Variants in ZNF608 observed in about 807,000 individuals in gnomAD.
The protein encoded by ZNF608 is zinc finger protein 608.
ZNF608 carries 12 observed loss-of-function variants against 109.0 expected under a neutral mutation model. The ratio of observed to expected loss-of-function variants is 0.11; its 90% CI spans 0.07 to 0.18. The LOEUF is 0.18. Ranked by LOEUF, ZNF608 falls within the 10% of genes least tolerant of loss-of-function variation. The probability of loss-of-function intolerance (pLI) is 1.00; values close to 1 mark genes in which losing one functional copy is unlikely to be tolerated. For missense variants in ZNF608, 1,707 were observed against 1,879.3 expected, an observed-to-expected ratio of 0.91 and a Z score of 1.70; for synonymous variants, 732 against 717.4, an observed-to-expected ratio of 1.02 and a Z score of -0.33.
chr5:124,639,117 T>C lies in ZNF608; in HGVS notation c.4532+16A>G. On this transcript the variant is annotated intron_variant, in intron 9 of 9. Transcript: ENST00000513986. ...ATTTCTATCTACAACTAATTAAAAA[T>C]GTAGAGGATATTTACCTTCTTTGTC... 8.1e-6 allele frequency: 13 copies of C among 1,612,120 alleles called. No homozygotes were observed. Among genetic ancestry groups the C allele is most frequent in the Non-Finnish European group, 1.0e-5 (12 of 1,178,344 alleles).
intron 2 of ZNF608, among the ~76,000 whole-genome samples, chr5:124,711,339 C>T (rs979682704): frequency 3.3e-5 from 5 of 152,214 alleles, no homozygotes; most frequent in African/African-American, 9.6e-5. Context: ...ATTTTATAGC[C>T]TTCTATGCTG....
intron 3 of ZNF608, among the ~76,000 whole-genome samples, chr5:124,657,844 G>C (rs1248567281): frequency 6.6e-6 from 1 of 152,000 alleles, no homozygotes; most frequent in African/African-American, 2.4e-5. Context: ...AAGTAACAAA[G>C]AGCATCATAA....
Position 124,647,578 on chromosome 5 carries a change from T to A in ZNF608, c.2806A>T (p.Ser936Cys). The change falls in exon 5 of 10, where the codon AGC (serine) becomes TGC (cysteine). Residue 936 changes from serine to cysteine, a missense_variant. Around this residue, in one of 7 missense-constraint regions of ZNF608, gnomAD observed 1,073 missense variants for 1,133.5 expected, o/e 0.95. Transcript: ENST00000513986. ...TCAGATATGTCTGAATAGGCCGGGCTGCTTGTCTTTGCAGCTGAACTCTCT... is the reference window on the plus strand; with the variant it reads ...TCAGATATGTCTGAATAGGCCGGGCAGCTTGTCTTTGCAGCTGAACTCTCT... ...GAESSAAKTSSPAYSDISDAA... is the reference protein window; with the variant it reads ...GAESSAAKTSCPAYSDISDAA... 6.2e-7 allele frequency: 1 copy of A among 1,614,254 alleles called. No homozygotes were observed. The highest frequency in any genetic ancestry group is 8.5e-7 in the Non-Finnish European group (1 of 1,180,040).
rs1561598369 is a variant in ZNF608 at position 124,744,073 on chromosome 5, C to T, written c.906+11G>A. The T allele has an allele frequency of 3.2e-6, 5 of 1,569,074 alleles. No individual in the cohort carries two copies. The highest frequency in any genetic ancestry group is 4.3e-6 in the Non-Finnish European group (5 of 1,157,594). On this transcript the variant is annotated intron_variant, in intron 2 of 9. Coordinates refer to ENST00000513986, the MANE Select transcript of ZNF608 (RefSeq NM_020747.3). This position sits in a 1 kb window ranked among gnomAD's most constrained non-coding sequence, Gnocchi z 4.5. ...GAGAGTAGGACATCTAGGAAGGCGA[C>T]TTTATCCTACCTTCTCAGTTTTCAG...
At chr5:124,701,427 A>G (rs1037537252) in intron 2 of ZNF608, among the ~76,000 whole-genome samples, 158 bp from the exon 3 acceptor site, 4 of 152,204 alleles carry the variant, frequency 2.6e-5, no homozygotes, top group African/African-American at 9.6e-5. Context: ...TATAAAGGAG[A>G]ATAGAAATGA....
intron 2 of ZNF608, among the ~76,000 whole-genome samples, chr5:124,729,364 T>C (rs1057477982): frequency 6.6e-6 from 1 of 152,132 alleles, no homozygotes; most frequent in African/African-American, 2.4e-5. Flanking sequence ...GAGAGGGACA[T>C]TTGCCCTAAT....
At chr5:124,711,493 C>G (rs1331197357) in intron 2 of ZNF608, among the ~76,000 whole-genome samples, 1 of 152,226 alleles carries the variant, frequency 6.6e-6, no homozygotes. Context: ...TTCAACTCCT[C>G]ATGCAGAGGT....
chr5:124,731,212 G>GT (rs1017123324), intron 2 of ZNF608, among the ~76,000 whole-genome samples: 1 of 152,090 alleles, frequency 6.6e-6, no homozygotes, highest in African/African-American at 2.4e-5. Flanking sequence ...CAGTGTTATT[G>GT]TTTTTTGGGT....
chr5:124,663,005 G>A (rs1453512252), intron 3 of ZNF608, among the ~76,000 whole-genome samples: 2 of 152,184 alleles, frequency 1.3e-5, no homozygotes, highest in Admixed American at 6.5e-5. Context: ...TTAGTATATA[G>A]GGCAGGAAAA....
intron 3 of ZNF608, among the ~76,000 whole-genome samples, chr5:124,668,449 A>T (rs1246272022): frequency 2.0e-5 from 3 of 151,882 alleles, no homozygotes; most frequent in Non-Finnish European, 2.9e-5. Context: ...GAGATCACTT[A>T]TTCCATATTT....
intron 2 of ZNF608, among the ~76,000 whole-genome samples, chr5:124,707,139 G>C (rs1580666995): frequency 6.6e-6 from 1 of 152,140 alleles, no homozygotes; most frequent in African/African-American, 2.4e-5. Flanking sequence ...TTCATCACTG[G>C]GGCATTTCAC....
intron 3 of ZNF608, among the ~76,000 whole-genome samples, chr5:124,673,162 T>C (rs1158657211): frequency 1.3e-5 from 2 of 152,166 alleles, no homozygotes; most frequent in Non-Finnish European, 2.9e-5. Context: ...TGAGCATAGT[T>C]TGTGCATCCT....
rs1211223283 is a variant in ZNF608 at position 124,647,741 on chromosome 5, A to G, written c.2643T>C (p.Ala881=). The G allele has an allele frequency of 2.5e-6, 4 of 1,614,132 alleles. No homozygotes were observed. The highest frequency in any genetic ancestry group is 1.3e-5 in the African/African-American group (1 of 75,030). The stretch of plus-strand genomic sequence containing the variant: ...TGAAAGTGTAAACCTTATCGGCCTC[A>G]GCTTTGATACTGGCCATGCGGCTCT... ...SQESRMASIK[A]EADKVYTFTD... The change falls in exon 5 of 10, where the codon GCT becomes GCC. Residue 881 remains alanine (A), a synonymous_variant. Coordinates refer to ENST00000513986, the MANE Select transcript of ZNF608 (RefSeq NM_020747.3).
intron 3 of ZNF608, among the ~76,000 whole-genome samples, chr5:124,664,737 G>GT (rs1422828204): frequency 6.6e-6 from 1 of 152,112 alleles, no homozygotes; most frequent in Non-Finnish European, 1.5e-5. Context: ...CACTTTATAA[G>GT]TTTACATAAA....
rs147970351 is a variant in ZNF608, at chr5:124,642,941, C to T, written c.4296+570G>A. ...CGAATTCCTGACCTCAGGTGATCTG[C>T]CCGCCTCGGCCTCCCAAAGTGCTGG... On this transcript the variant is annotated intron_variant, in intron 7 of 9. Coordinates refer to ENST00000513986, the MANE Select transcript of ZNF608 (RefSeq NM_020747.3). Among the ~76,000 whole-genome samples, 1,520 of 152,100 alleles carry T rather than the reference C, an allele frequency of 1.0e-2. 33 individuals are homozygous for T. Among genetic ancestry groups the T allele is most frequent in the African/African-American group, 0.034 (1,423 of 41,482 alleles).
At chr5:124,645,242 T>C (rs959916459) in intron 5 of ZNF608, among the ~76,000 whole-genome samples, 4 of 152,218 alleles carry the variant, frequency 2.6e-5, no homozygotes, top group Non-Finnish European at 4.4e-5. Flanking sequence ...GTTAACATCT[T>C]AATCAAAACA....
upstream of ZNF608, chr5:124,748,818 A>C (rs1408721875): frequency 6.6e-6 from 1 of 152,592 alleles, no homozygotes; most frequent in South Asian, 2.1e-4. Context: ...GAGCAAAAGA[A>C]GCTCTCAGCC....
chr5:124,663,605 A>G lies in ZNF608; in HGVS notation c.1163-13908T>C, dbSNP rs74707149. Among the ~76,000 whole-genome samples, 559 of 152,334 alleles carry G rather than the reference A, an allele frequency of 3.7e-3. 4 individuals are homozygous for G. Among genetic ancestry groups the G allele is most frequent in the African/African-American group, 0.012 (508 of 41,570 alleles). Reference sequence around the variant, plus strand: ...TTTGATTGAGAAATTTTCAGCCACAAAAGACTTTGACATTTAGCCAAAGTA... The same window carrying G: ...TTTGATTGAGAAATTTTCAGCCACAGAAGACTTTGACATTTAGCCAAAGTA... On this transcript the variant is annotated intron_variant, in intron 3 of 9. Coordinates refer to ENST00000513986, the MANE Select transcript of ZNF608 (RefSeq NM_020747.3).
At chr5:124,732,042 C>T (rs574241429) in intron 2 of ZNF608, among the ~76,000 whole-genome samples, 2 of 152,068 alleles carry the variant, frequency 1.3e-5, no homozygotes, top group Non-Finnish European at 2.9e-5. Context: ...TTCACCGCCC[C>T]TCAGAAGAAA....
Sources: allele counts gnomAD v4.1 joint callset (sites outside exome capture counted in the v4.1 genomes callset), GRCh38; gene constraint gnomAD v4.1.1; regional missense constraint gnomAD v4.1.1; non-coding constraint Gnocchi (gnomAD v3.1); transcripts MANE v1.5; gene names NCBI Gene and HGNC (gene_info 2026-07-23, HGNC 2026-07-21).